The following GRIK4 variants were observed in gnomAD, a reference collection of about 807,000 sequenced individuals.
GRIK4 encodes the protein glutamate ionotropic receptor kainate type subunit 4, also known as glutamate receptor ionotropic, kainate 4.
Under a neutral mutation model 104.9 loss-of-function variants are expected in GRIK4, and 40 were observed. That is an observed-to-expected ratio of 0.38 (90% CI 0.30 to 0.50). The LOEUF (loss-of-function observed/expected upper bound fraction) is 0.50, where lower values mean the gene tolerates loss of function less well. GRIK4 is among the 20% of genes least tolerant of loss of function. The probability of loss-of-function intolerance (pLI) is 0.93; values close to 1 mark genes in which losing one functional copy is unlikely to be tolerated. For synonymous variants in GRIK4, 485 were observed against 524.9 expected (o/e 0.92, Z 1.04); for missense variants, 1,047 against 1,308.1 (o/e 0.80, Z 3.08).
chr11:120,581,967 C>T (rs371311290), intron 1 of GRIK4, among the ~76,000 whole-genome samples: 15 of 152,086 alleles, frequency 9.9e-5, no homozygotes, highest in Admixed American at 2.6e-4. Flanking sequence ...CCACCACGCC[C>T]GGCTAACTTT....
intron 1 of GRIK4, chr11:120,564,548 G>C (rs1269787584): frequency 6.6e-6 from 1 of 152,312 alleles, no homozygotes; most frequent in Admixed American, 6.5e-5. Context: ...CATCCCCTCC[G>C]AGGTCCGGGC....
At chr11:120,815,520 G>A (rs1371497959) in intron 5 of GRIK4, 45 bp downstream of exon 5, 6 of 1,165,660 alleles carry the variant, frequency 5.1e-6, no homozygotes, top group South Asian at 1.5e-5. Context: ...GCTGGAGCCT[G>A]TGCCCAGGGT....
rs79161398 is a variant in GRIK4, at chr11:120,951,419, C to A, written c.1591-1436C>A. Among the ~76,000 whole-genome samples, 798 of 152,248 alleles carry A rather than the reference C, an allele frequency of 5.2e-3. 4 individuals carry two copies. Among genetic ancestry groups the A allele is most frequent in the African/African-American group, 0.018 (768 of 41,532 alleles). On this transcript the variant is annotated intron_variant, in intron 14 of 20. Coordinates refer to ENST00000527524, the MANE Select transcript of GRIK4 (RefSeq NM_014619.5). Reference sequence around the variant, plus strand: ...CTCAGAAGGCTGGTTGAGTTTAGCTCGGTATTGGCAAAGGGAGTTCCCTTT... The same window carrying A: ...CTCAGAAGGCTGGTTGAGTTTAGCTAGGTATTGGCAAAGGGAGTTCCCTTT...
intron 3 of GRIK4, among the ~76,000 whole-genome samples, chr11:120,663,734 C>T (rs1949857106): frequency 6.6e-6 from 1 of 152,180 alleles, no homozygotes; most frequent in Non-Finnish European, 1.5e-5. Context: ...CCCCTGCTCT[C>T]CCTATAGTGC....
At chr11:120,847,465 G>A (rs1365125677) in intron 8 of GRIK4, among the ~76,000 whole-genome samples, 1 of 152,208 alleles carries the variant, frequency 6.6e-6, no homozygotes, top group African/African-American at 2.4e-5. Context: ...TAGCCTGGCA[G>A]GTTCATCAAA....
chr11:120,911,517 T>G lies in GRIK4; in HGVS notation c.1476+6024T>G, dbSNP rs538695458. On this transcript the variant is annotated intron_variant, in intron 13 of 20. Transcript: ENST00000527524. Reference sequence around the variant, plus strand: ...CTCCCAAAGTGCTGGGATTACAGGCTTGAGCCACCGCGCCCGGCCCAAAAT... The same window carrying G: ...CTCCCAAAGTGCTGGGATTACAGGCGTGAGCCACCGCGCCCGGCCCAAAAT... 7.3e-3 allele frequency among the ~76,000 whole-genome samples: 1,045 copies of G among 143,408 alleles called. 9 individuals are homozygous for G. Among genetic ancestry groups the G allele is most frequent in the African/African-American group, 0.024 (971 of 39,876 alleles). 94.1% of individuals were successfully genotyped at this position (143,408 alleles called of 152,430 possible).
intron 1 of GRIK4, among the ~76,000 whole-genome samples, chr11:120,526,196 G>T (rs115684486): frequency 6.6e-6 from 1 of 152,018 alleles, no homozygotes; most frequent in Non-Finnish European, 1.5e-5. Context: ...ACACTTATGT[G>T]CACTTCTCTT....
intron 3 of GRIK4, among the ~76,000 whole-genome samples, chr11:120,695,019 A>G (rs1385497836): frequency 6.6e-6 from 1 of 152,086 alleles, no homozygotes; most frequent in Non-Finnish European, 1.5e-5. Flanking sequence ...AAGAATCCCG[A>G]GCCTCAGCCT....
chr11:120,525,823 A>G (rs1387376184), intron 1 of GRIK4, among the ~76,000 whole-genome samples: 1 of 152,006 alleles, frequency 6.6e-6, no homozygotes, highest in African/African-American at 2.4e-5. Context: ...GAGGGCTTGG[A>G]CAGCTGGAGT....
At position 120,684,391 on chromosome 11, in the gene GRIK4, G is replaced by A. The variant is rs17124191; in HGVS notation, c.82+23991G>A. On this transcript the variant is annotated intron_variant, in intron 3 of 20. Coordinates refer to ENST00000527524, the MANE Select transcript of GRIK4 (RefSeq NM_014619.5). The stretch of plus-strand genomic sequence containing the variant: ...TATGAATTTGATTTAATTGATGGTC[G>A]GTTGGCCCATTCAGTTATTCATAGT... Among the ~76,000 whole-genome samples, 1,173 of 152,274 alleles carry A rather than the reference G, an allele frequency of 7.7e-3. 12 individuals carry two copies. The highest frequency in any genetic ancestry group is 0.026 in the African/African-American group (1,098 of 41,554).
At chr11:120,743,827 A>G (rs1310594178) in intron 3 of GRIK4, among the ~76,000 whole-genome samples, 1 of 152,240 alleles carries the variant, frequency 6.6e-6, no homozygotes, top group Non-Finnish European at 1.5e-5. Flanking sequence ...CAATTGTCTT[A>G]TTTATAAAAT....
intron 1 of GRIK4, among the ~76,000 whole-genome samples, chr11:120,574,376 G>T (rs1345332215): frequency 1.3e-5 from 2 of 152,206 alleles, no homozygotes; most frequent in Non-Finnish European, 2.9e-5. Context: ...CACAGTACCA[G>T]AGGCTGTGGT....
chr11:120,850,409 C>T (rs1591988886), intron 8 of GRIK4, among the ~76,000 whole-genome samples: 1 of 152,126 alleles, frequency 6.6e-6, no homozygotes, highest in East Asian at 1.9e-4. Flanking sequence ...TTTCCTTTCT[C>T]CTCTACCATC....
intron 3 of GRIK4, among the ~76,000 whole-genome samples, chr11:120,704,650 A>G (rs965182526): frequency 3.3e-5 from 5 of 151,930 alleles, no homozygotes; most frequent in Non-Finnish European, 5.9e-5. Context: ...GGGCTGGGGC[A>G]TGGTATGTGG....
intron 3 of GRIK4, among the ~76,000 whole-genome samples, chr11:120,731,170 T>C (rs1951120796): frequency 6.6e-6 from 1 of 152,156 alleles, no homozygotes; most frequent in Non-Finnish European, 1.5e-5. Flanking sequence ...TTTCAGTTTT[T>C]CTCCCTTCAG....
chr11:120,513,235 A>G lies in GRIK4; in HGVS notation c.-159+1348A>G, dbSNP rs1220061808. ...TGAGCCCTGCCAGGAACAAAGAACT[A>G]CCTTCACTTTCACTCCCTATGGGTC... On this transcript the variant is annotated intron_variant, in intron 1 of 20. Transcript: ENST00000527524. The surrounding 1 kb of genome is among the most constrained non-coding windows in gnomAD (Gnocchi z 4.5). 6.6e-6 allele frequency among the ~76,000 whole-genome samples: 1 copy of G among 152,026 alleles called. No homozygotes were observed. Among genetic ancestry groups the G allele is most frequent in the Non-Finnish European group, 1.5e-5 (1 of 67,974 alleles).
At chr11:120,867,388 C>T (rs767983951) in intron 9 of GRIK4, among the ~76,000 whole-genome samples, 2 of 152,128 alleles carry the variant, frequency 1.3e-5, no homozygotes, top group Admixed American at 6.5e-5. Flanking sequence ...CACCATCAAG[C>T]GTTCTACAAA....
At chr11:120,560,224 G>GT (rs1042885776) in intron 1 of GRIK4, among the ~76,000 whole-genome samples, 22 of 151,992 alleles carry the variant, frequency 1.4e-4, no homozygotes, top group African/African-American at 5.1e-4. Context: ...AATTTTTTTG[G>GT]TATTTTTAGT....
chr11:120,801,739 C>T (rs1172405225), intron 3 of GRIK4, among the ~76,000 whole-genome samples: 2 of 152,154 alleles, frequency 1.3e-5, no homozygotes, highest in African/African-American at 2.4e-5. Context: ...ATTTTTGTAA[C>T]ATCTCCATCA....
Sources: gnomAD v4.1 joint callset for allele counts (sites outside exome capture counted in the v4.1 genomes callset) on GRCh38, gnomAD v4.1.1 for gene constraint, Gnocchi (gnomAD v3.1) non-coding constraint, MANE v1.5 for transcripts, NCBI Gene and HGNC (gene_info 2026-07-23, HGNC 2026-07-21) for gene names.